The following DNM3 variants were observed in gnomAD, a reference collection of about 807,000 sequenced individuals.
The protein encoded by DNM3 is dynamin-3.
DNM3 carries 47 observed loss-of-function variants against 101.6 expected under a neutral mutation model. The ratio of observed to expected loss-of-function variants is 0.46; its 90% CI spans 0.37 to 0.59. The LOEUF (loss-of-function observed/expected upper bound fraction) is 0.59. Among genes scored for constraint, DNM3 ranks in the 20% least tolerant of loss-of-function variants. DNM3 has a pLI of 0.00. For synonymous variants in DNM3, 385 were observed against 387.9 expected, an observed-to-expected ratio of 0.99 and a Z score of 0.09; for missense variants, 849 against 1,085.7, an observed-to-expected ratio of 0.78 and a Z score of 3.06.
intron 4 of DNM3, among the ~76,000 whole-genome samples, chr1:172,008,790 TATATATA>T (rs149685778): frequency 0.28 from 38,173 of 136,548 alleles, 6,466 homozygotes; most frequent in African/African-American, 0.47. Context: ...TATATATTAA[TATATATA>T]ATATATAATA....
chr1:172,198,673 C>T (rs1461467273), intron 14 of DNM3, among the ~76,000 whole-genome samples: 1 of 152,044 alleles, frequency 6.6e-6, no homozygotes, highest in East Asian at 1.9e-4. Flanking sequence ...TTATCTATTT[C>T]CTCTAGGTTT....
chr1:172,054,074 A>G (rs2050398148), intron 10 of DNM3, among the ~76,000 whole-genome samples: 1 of 152,182 alleles, frequency 6.6e-6, no homozygotes, highest in African/African-American at 2.4e-5. Context: ...CTATATTGTA[A>G]TTATATATAT....
At chr1:172,066,181 G>T (rs962138882) in intron 10 of DNM3, among the ~76,000 whole-genome samples, 7 of 151,962 alleles carry the variant, frequency 4.6e-5, no homozygotes, top group Non-Finnish European at 7.4e-5. Flanking sequence ...AATGTCAAGG[G>T]TGTATGGTGG....
At chr1:172,080,020 A>G (rs1226243238) in intron 11 of DNM3, among the ~76,000 whole-genome samples, 10 of 152,020 alleles carry the variant, frequency 6.6e-5, no homozygotes, top group South Asian at 4.2e-4. Flanking sequence ...GGCACCCACC[A>G]GATGCCAGCC....
intron 2 of DNM3, among the ~76,000 whole-genome samples, chr1:171,968,833 G>A (rs2043785184): frequency 6.6e-6 from 1 of 152,080 alleles, no homozygotes. Flanking sequence ...TTTTCTGTTG[G>A]AACAAATGAG....
chr1:172,088,422 G>T (rs2053680527), intron 12 of DNM3, among the ~76,000 whole-genome samples: 1 of 152,012 alleles, frequency 6.6e-6, no homozygotes, highest in African/African-American at 2.4e-5. Context: ...GAACTAATTT[G>T]TACTAAAACA....
chr1:172,245,604 A>G (rs2061920600), intron 14 of DNM3, among the ~76,000 whole-genome samples: 1 of 152,220 alleles, frequency 6.6e-6, no homozygotes, highest in Non-Finnish European at 1.5e-5. Context: ...AGTTTGAATG[A>G]AAGGTTCAGT....
intron 14 of DNM3, among the ~76,000 whole-genome samples, chr1:172,151,732 C>G (rs2058135533): frequency 1.3e-5 from 2 of 152,088 alleles, no homozygotes; most frequent in African/African-American, 2.4e-5. Flanking sequence ...GTGTCAACTA[C>G]TAGGGCAGGT....
chr1:171,976,439 T>C (rs1324877515), intron 2 of DNM3, among the ~76,000 whole-genome samples: 1 of 152,144 alleles, frequency 6.6e-6, no homozygotes, highest in African/African-American at 2.4e-5. Flanking sequence ...CAAGAGAACA[T>C]GTGCAGGGGA....
chr1:172,141,231 C>A (rs1332275506), intron 14 of DNM3, among the ~76,000 whole-genome samples: 2 of 151,960 alleles, frequency 1.3e-5, no homozygotes, highest in Non-Finnish European at 2.9e-5. Flanking sequence ...TTGTAAGAGA[C>A]CTTTGAAAAT....
intron 15 of DNM3, among the ~76,000 whole-genome samples, chr1:172,308,386 T>G (rs2064936351): frequency 6.6e-6 from 1 of 152,204 alleles, no homozygotes; most frequent in African/African-American, 2.4e-5. Flanking sequence ...TTCAGAGAAT[T>G]GATCTAGCGG....
At chr1:172,292,854 A>G (rs2586398) in intron 15 of DNM3, among the ~76,000 whole-genome samples, 15,280 of 152,222 alleles carry the variant, frequency 0.1, 1,067 homozygotes, top group African/African-American at 0.2. Flanking sequence ...CTCCCAAAAA[A>G]TGACTAATTA....
chr1:172,353,560 A>G (rs746526825), intron 17 of DNM3, among the ~76,000 whole-genome samples: 3 of 152,196 alleles, frequency 2.0e-5, no homozygotes, highest in Non-Finnish European at 4.4e-5. Context: ...CTATTTCAAC[A>G]GAACTTTCTT....
chr1:172,315,907 G>A (rs1323711806), intron 16 of DNM3, among the ~76,000 whole-genome samples: 2 of 152,068 alleles, frequency 1.3e-5, no homozygotes, highest in South Asian at 2.1e-4. Context: ...GATACTCCTC[G>A]AGAAGAGCAA....
At chr1:171,949,185 C>T (rs2125446072) in intron 2 of DNM3, among the ~76,000 whole-genome samples, 1 of 152,020 alleles carries the variant, frequency 6.6e-6, no homozygotes, top group African/African-American at 2.4e-5. Flanking sequence ...TTAACAAAAA[C>T]ATATTACTCC....
chr1:172,345,439 T>A (rs2066883204), intron 17 of DNM3, among the ~76,000 whole-genome samples: 1 of 152,222 alleles, frequency 6.6e-6, no homozygotes, highest in Admixed American at 6.5e-5. Flanking sequence ...CCTTCTCTCC[T>A]TATTAATTTG....
At chr1:171,868,563 T>A (rs1355357794) in intron 1 of DNM3, among the ~76,000 whole-genome samples, 7 of 152,336 alleles carry the variant, frequency 4.6e-5, no homozygotes, top group Admixed American at 6.5e-5. Context: ...TTCACAGCCA[T>A]GCATAATTGA....
At chr1:172,064,009 G>A (rs1234627704) in intron 10 of DNM3, among the ~76,000 whole-genome samples, 2 of 152,130 alleles carry the variant, frequency 1.3e-5, no homozygotes, top group East Asian at 3.9e-4. Flanking sequence ...TAGGCAACCT[G>A]CCACTCAAGA....
intron 14 of DNM3, among the ~76,000 whole-genome samples, chr1:172,213,665 T>A (rs1188530838): frequency 2.6e-5 from 4 of 151,564 alleles, no homozygotes; most frequent in African/African-American, 9.7e-5. Flanking sequence ...CCGTCTCTAC[T>A]GAAAAAGCAA....
Sources: gnomAD v4.1 joint callset for allele counts (sites outside exome capture counted in the v4.1 genomes callset) on GRCh38, gnomAD v4.1.1 for gene constraint, MANE v1.5 for transcripts, NCBI Gene and HGNC (gene_info 2026-07-23, HGNC 2026-07-21) for gene names.